The following NDUFAF7 variants were observed in gnomAD, a reference collection of about 807,000 sequenced individuals.
NDUFAF7 encodes the protein NADH:ubiquinone oxidoreductase complex assembly factor 7, also known as protein arginine methyltransferase NDUFAF7, mitochondrial.
Under a neutral mutation model 47.2 loss-of-function variants are expected in NDUFAF7, and 48 were observed. The observed-to-expected ratio is 1.02, with a 90% CI of 0.81 to 1.29. NDUFAF7 has a LOEUF of 1.29. Ranked by LOEUF, NDUFAF7 falls within the 50% of genes most tolerant of loss-of-function variation. The probability of loss-of-function intolerance (pLI) is 0.00; values close to 1 mark genes in which losing one functional copy is unlikely to be tolerated. For missense variants in NDUFAF7, 635 were observed against 537.6 expected (o/e 1.18, Z -1.79); for synonymous variants, 217 against 190.0 (o/e 1.14, Z -1.17).
chr2:37,236,450 G>A (rs1665762479), intron 3 of NDUFAF7, among the ~76,000 whole-genome samples: 1 of 151,874 alleles, frequency 6.6e-6, no homozygotes, highest in African/African-American at 2.4e-5. Flanking sequence ...GTCATAAAGA[G>A]GACAGAAAAA....
chr2:37,249,568 C>CACATACAT (rs1167616662), downstream of NDUFAF7, among the ~76,000 whole-genome samples: 2 of 55,966 alleles, frequency 3.6e-5, no homozygotes, highest in East Asian at 1.9e-3. Context: ...GACACACACA[C>CACATACAT]ACACACACAC....
the NDUFAF7 span, among the ~76,000 whole-genome samples, chr2:37,264,857 C>T: frequency 1.3e-5 from 2 of 152,092 alleles, no homozygotes; most frequent in African/African-American, 4.8e-5. Context: ...ATGGGATGTG[C>T]TCATTTCTGT....
At chr2:37,255,321 A>C (rs557239039), downstream of NDUFAF7, among the ~76,000 whole-genome samples, 3 of 151,788 alleles carry the variant, frequency 2.0e-5, no homozygotes, top group East Asian at 3.9e-4. Flanking sequence ...AAAACAAAAA[A>C]GATCTACCTA....
At chr2:37,269,082 T>C in the NDUFAF7 span, 1 of 155,226 alleles carries the variant, frequency 6.4e-6, no homozygotes. Flanking sequence ...TTAATTAATA[T>C]TTAAGCCCTA....
the NDUFAF7 span, among the ~76,000 whole-genome samples, chr2:37,264,717 A>T: frequency 2.6e-5 from 4 of 152,182 alleles, no homozygotes; most frequent in African/African-American, 4.8e-5. Flanking sequence ...AGATATAGCA[A>T]GAAAGTCAAC....
At chr2:37,235,401 A>T (rs1665647577) in intron 2 of NDUFAF7, among the ~76,000 whole-genome samples, 1 of 152,194 alleles carries the variant, frequency 6.6e-6, no homozygotes, top group Admixed American at 6.5e-5. Flanking sequence ...GAACATCACC[A>T]GCAGGCAGGG....
the NDUFAF7 span, among the ~76,000 whole-genome samples, chr2:37,266,987 A>G: frequency 4.6e-5 from 7 of 152,256 alleles, no homozygotes; most frequent in African/African-American, 7.2e-5. Context: ...AATTGAAATC[A>G]TTGCCAATAT....
In NDUFAF7 at chr2:37,248,458, C is replaced by A; in HGVS notation, c.*108C>A. 1.9e-6 allele frequency: 2 copies of A among 1,057,988 alleles called. No homozygotes were observed. Among genetic ancestry groups the A allele is most frequent in the Admixed American group, 3.6e-5 (2 of 54,956 alleles). The allele number at this position is 1,057,988 out of a possible 1,614,324, so 65.5% of individuals were successfully genotyped here. A position where few individuals can be genotyped will look rare whatever the true frequency, so the allele number is the denominator to read the frequency against. On this transcript the variant is annotated 3_prime_UTR_variant, in exon 10 of 10. Transcript: ENST00000002125. ...AAAGTCAAAGTATTTTATCTTTTCA[C>A]AGCAAGAACAGTCCATGTTGTATAT...
At chr2:37,263,892 T>C in the NDUFAF7 span, among the ~76,000 whole-genome samples, 1 of 152,146 alleles carries the variant, frequency 6.6e-6, no homozygotes, top group East Asian at 1.9e-4. Context: ...AGCTTTGGGG[T>C]AGCTTCCAAG....
downstream of NDUFAF7, among the ~76,000 whole-genome samples, chr2:37,249,914 T>G (rs1334115885): frequency 6.6e-6 from 1 of 151,946 alleles, no homozygotes. Context: ...TTGCTTTTTA[T>G]TGCTGCTTCT....
At chr2:37,268,790 G>C in the NDUFAF7 span, 1 of 154,582 alleles carries the variant, frequency 6.5e-6, no homozygotes, top group African/African-American at 2.4e-5. Context: ...GCTGCAATTA[G>C]ATCTGAGGCT....
the NDUFAF7 span, among the ~76,000 whole-genome samples, chr2:37,263,722 T>C: frequency 6.6e-6 from 1 of 152,198 alleles, no homozygotes; most frequent in Non-Finnish European, 1.5e-5. Context: ...GGGCTGCAGA[T>C]TTCAGAAAGA....
the NDUFAF7 span, among the ~76,000 whole-genome samples, chr2:37,266,783 T>G: frequency 6.6e-6 from 1 of 152,166 alleles, no homozygotes; most frequent in Non-Finnish European, 1.5e-5. Flanking sequence ...CCACCTCACC[T>G]GGCCAGAATG....
rs1667069485 is a variant in NDUFAF7 at position 37,247,623 on chromosome 2, G to A, written c.1104G>A (p.Arg368=). The A allele has an allele frequency of 6.2e-7, 1 of 1,613,752 alleles. No homozygotes were observed. Among genetic ancestry groups the A allele is most frequent in the Non-Finnish European group, 8.5e-7 (1 of 1,179,850 alleles). ...TAAAAAATATGGGTATTGATGTCCGGCTGAAGGTAAGGTTTATTTTATTTC... is the reference window on the plus strand; with the variant it reads ...TAAAAAATATGGGTATTGATGTCCGACTGAAGGTAAGGTTTATTTTATTTC... The part of the protein sequence containing the change: ...TFLKNMGIDV[R]LKVLLDKSNE... The change falls in exon 9 of 10, where the codon CGG becomes CGA. Residue 368 remains arginine (R), a synonymous_variant. Coordinates refer to ENST00000002125, the MANE Select transcript of NDUFAF7 (RefSeq NM_144736.5).
At position 37,247,766 on chromosome 2, in the gene NDUFAF7, G is replaced by A. The variant is rs189487258; in HGVS notation, c.1110+137G>A. ...TATTCCAGTCTTTTCAGGTAGTATA[G>A]GATTTAGTAACTAGTCTGGTAAGTT... On this transcript the variant is annotated intron_variant, in intron 9 of 9. Transcript: ENST00000002125. 2.6e-4 allele frequency: 270 copies of A among 1,058,444 alleles called. 1 individual carries two copies. The African/African-American group carries it at 3.8e-3, about 15-fold the overall frequency. The allele number at this position is 1,058,444 out of a possible 1,614,324, so 65.6% of individuals were successfully genotyped here. A position where few individuals can be genotyped will look rare whatever the true frequency, so the allele number is the denominator to read the frequency against.
chr2:37,260,180 A>G, the NDUFAF7 span: 1 of 1,516,196 alleles, frequency 6.6e-7, no homozygotes, highest in Non-Finnish European at 9.0e-7. Flanking sequence ...AAAAAAAATT[A>G]GTTTTTAATC....
the NDUFAF7 span, among the ~76,000 whole-genome samples, chr2:37,259,086 C>CA: frequency 5.2e-3 from 789 of 151,460 alleles, 10 homozygotes; most frequent in African/African-American, 0.017. Flanking sequence ...TAAGAAAAAT[C>CA]AGAGAGTGCT....
At chr2:37,246,964 C>G (rs555479886) in intron 8 of NDUFAF7, among the ~76,000 whole-genome samples, 2 of 152,092 alleles carry the variant, frequency 1.3e-5, no homozygotes, top group South Asian at 4.2e-4. Context: ...TGCATTGACT[C>G]TGAGGTTTGG....
chr2:37,239,102 A>G (rs955670101), intron 4 of NDUFAF7, among the ~76,000 whole-genome samples: 1 of 149,272 alleles, frequency 6.7e-6, no homozygotes, highest in African/African-American at 2.5e-5. Flanking sequence ...AATTTAGTAC[A>G]TCCTTTTTTC....
Sources: gnomAD v4.1 joint callset for allele counts (sites outside exome capture counted in the v4.1 genomes callset) on GRCh38, gnomAD v4.1.1 for gene constraint, MANE v1.5 for transcripts, NCBI Gene and HGNC (gene_info 2026-07-23, HGNC 2026-07-21) for gene names.